ITGA7: variants seen among roughly 807,000 people sequenced by gnomAD.
The protein encoded by ITGA7 is integrin alpha-7.
A neutral mutation model predicts 131.6 loss-of-function variants in ITGA7; 84 were observed. The ratio of observed to expected loss-of-function variants is 0.64; its 90% CI spans 0.54 to 0.77. ITGA7 has a LOEUF of 0.77. Among genes scored for constraint, ITGA7 ranks in the 30% least tolerant of loss-of-function variants. ITGA7 has a pLI of 0.00. For missense variants in ITGA7, 1,399 were observed against 1,482.9 expected, an observed-to-expected ratio of 0.94 and a Z score of 0.93; for synonymous variants, 548 against 600.7, an observed-to-expected ratio of 0.91 and a Z score of 1.28.
rs1346136772 is a variant in ITGA7, at chr12:55,701,334, T to C, written c.415-180A>G. 3 of 1,558,982 alleles carry C rather than the reference T, an allele frequency of 1.9e-6. No individual in the cohort carries two copies. In the African/African-American group the frequency reaches 4.1e-5, roughly 21 times the overall value. On this transcript the variant is annotated intron_variant, in intron 3 of 24. Coordinates refer to ENST00000257879, the MANE Select transcript of ITGA7 (RefSeq NM_002206.3). ...CACTCAAGCACCATTACCCTGCCAG[T>C]GTTACACAGGTCCATGCATAACCCA...
In ITGA7 at chr12:55,698,565, A is replaced by C; in HGVS notation, c.1010T>G (p.Leu337Arg). Residue 337 changes from leucine (L) to arginine (R), a missense_variant, in exon 7 of 25, where the codon CTG becomes CGG. Coordinates refer to ENST00000257879, the MANE Select transcript of ITGA7 (RefSeq NM_002206.3). ...ADLNSDGWPDLIVGAPYFFER... is the reference protein window; with the variant it reads ...ADLNSDGWPDRIVGAPYFFER... ...AAAGAAGTAGGGGGCACCCACTATC[A>C]GGTCTGGCCAGCTATGGAGAGAGGG... The C allele has an allele frequency of 6.2e-7, 1 of 1,614,106 alleles. No individual in the cohort carries two copies. The highest frequency in any genetic ancestry group is 8.5e-7 in the Non-Finnish European group (1 of 1,180,004).
At chr12:55,696,213 C>T (rs974558149) in intron 13 of ITGA7, 70 bp downstream of exon 13, 2 of 1,489,548 alleles carry the variant, frequency 1.3e-6, no homozygotes, top group Non-Finnish European at 9.1e-7. Context: ...GAATTGGTGT[C>T]ACTGGGGAGG....
chr12:55,714,720 A>ATATACATTCATATATACACATATATACG (rs1876382958), upstream of ITGA7, among the ~76,000 whole-genome samples: 1 of 140,094 alleles, frequency 7.1e-6, no homozygotes, highest in Admixed American at 7.5e-5. Context: ...ACATATATAC[A>ATATACATTCATATATACACATATATACG]TATACATACA....
At chr12:55,700,735 C>A in intron 4 of ITGA7, 164 bp downstream of exon 4, 2 of 895,002 alleles carry the variant, frequency 2.2e-6, no homozygotes, top group East Asian at 2.6e-5. Flanking sequence ...AGGCACCCCC[C>A]ATTCATGTGT....
chr12:55,684,985 C>G lies in ITGA7; in HGVS notation c.*73G>C. 1.6e-6 allele frequency: 2 copies of G among 1,288,160 alleles called. No individual in the cohort carries two copies. Among genetic ancestry groups the G allele is most frequent in the Non-Finnish European group, 1.1e-6 (1 of 942,750 alleles). The allele number at this position is 1,288,160 out of a possible 1,614,324, so 79.8% of individuals were successfully genotyped here. ...ATGCGACACCAGCAGCCCACTCTACCCTCTTCATCCCAAGGAGCCATCTCT... is the reference window on the plus strand; with the variant it reads ...ATGCGACACCAGCAGCCCACTCTACGCTCTTCATCCCAAGGAGCCATCTCT... On this transcript the variant is annotated 3_prime_UTR_variant, in exon 25 of 25. Coordinates refer to ENST00000257879, the MANE Select transcript of ITGA7 (RefSeq NM_002206.3).
rs1248633762 is a variant in ITGA7, at chr12:55,688,808, G to T, written c.2958+36C>A. On this transcript the variant is annotated intron_variant, in intron 22 of 24. Transcript: ENST00000257879. Reference sequence around the variant, plus strand: ...GAGTCCTGGAGGGGCTTTGGAGGAAGAAGAAACACAGACTAGAGCCGAGTG... The same window carrying T: ...GAGTCCTGGAGGGGCTTTGGAGGAATAAGAAACACAGACTAGAGCCGAGTG... 8 of 1,499,386 alleles carry T rather than the reference G, an allele frequency of 5.3e-6. No individual in the cohort carries two copies. In the African/African-American group the frequency reaches 9.6e-5, roughly 18 times the overall value. 92.9% of individuals were successfully genotyped at this position (1,499,386 alleles called of 1,614,324 possible).
At chr12:55,716,104 C>A (rs760836371), upstream of ITGA7, 4 of 1,600,528 alleles carry the variant, frequency 2.5e-6, no homozygotes, top group African/African-American at 5.4e-5. Context: ...CGGAGGGGGC[C>A]CGGCGTACCC....
chr12:55,697,880 C>G, intron 8 of ITGA7, 58 bp from the exon 9 acceptor site: 2 of 1,614,108 alleles, frequency 1.2e-6, no homozygotes, highest in African/African-American at 1.3e-5. Context: ...TCTGCCTCCC[C>G]TGATGCCTCT....
upstream of ITGA7, chr12:55,716,284 CA>C: frequency 6.6e-7 from 1 of 1,520,686 alleles, no homozygotes; most frequent in Non-Finnish European, 8.8e-7. Context: ...TAACCATATC[CA>C]GGGAAAGACG....
upstream of ITGA7, among the ~76,000 whole-genome samples, chr12:55,713,593 G>T (rs541548135): frequency 4.5e-4 from 68 of 152,304 alleles, 1 homozygote; most frequent in Middle Eastern, 6.8e-3. Flanking sequence ...CTGTTCTAGG[G>T]ATTAAATGAA....
At chr12:55,699,773 G>C in intron 5 of ITGA7, 97 bp downstream of exon 5, 1 of 1,417,394 alleles carries the variant, frequency 7.1e-7, no homozygotes, top group Non-Finnish European at 9.7e-7. Context: ...TGTGTTGGGG[G>C]AGGAGGAGAT....
chr12:55,710,568 G>T (rs996921312), upstream of ITGA7, among the ~76,000 whole-genome samples: 12 of 152,086 alleles, frequency 7.9e-5, no homozygotes, highest in Non-Finnish European at 1.5e-4. Flanking sequence ...CTTGAGCCCA[G>T]GAGTTGGAGA....
chr12:55,703,885 T>C (rs1224442403), intron 1 of ITGA7, among the ~76,000 whole-genome samples: 2 of 152,156 alleles, frequency 1.3e-5, no homozygotes, highest in Non-Finnish European at 2.9e-5. Flanking sequence ...CTTCTCCCCA[T>C]GTCCATGATT....
chr12:55,689,884 T>C (rs925695651), intron 21 of ITGA7, among the ~76,000 whole-genome samples: 5 of 148,996 alleles, frequency 3.4e-5, no homozygotes, highest in African/African-American at 1.3e-4. Context: ...GGATTCCCTA[T>C]TTAATAAATG....
chr12:55,703,846 G>A (rs755494736), intron 1 of ITGA7, among the ~76,000 whole-genome samples: 4 of 152,048 alleles, frequency 2.6e-5, no homozygotes, highest in African/African-American at 9.7e-5. Flanking sequence ...TTCTCTTCCC[G>A]ACATCCTGAA....
chr12:55,716,306 G>T, upstream of ITGA7: 1 of 1,514,434 alleles, frequency 6.6e-7, no homozygotes, highest in Non-Finnish European at 8.8e-7. Flanking sequence ...CCAGCTAGCG[G>T]GCAACGGGCA....
chr12:55,697,260 C>T lies in ITGA7; in HGVS notation c.1523G>A (p.Cys508Tyr). 6.3e-7 allele frequency: 1 copy of T among 1,597,218 alleles called. No individual in the cohort carries two copies. Among genetic ancestry groups the T allele is most frequent in the Non-Finnish European group, 8.5e-7 (1 of 1,172,012 alleles). ...GCTGGGGACTGCAATGTAGCTGAAA[C>T]AGACCCTTAGGTCCACACTGCGGGG... ...GHSVCVDLRV[C>Y]FSYIAVPSSY... Residue 508 changes from cysteine (C) to tyrosine (Y), a missense_variant, in exon 11 of 25, where the codon TGT becomes TAT. By Grantham distance (194) the Cys-to-Tyr change is radical. Transcript: ENST00000257879.
chr12:55,695,613 C>T lies in ITGA7; in HGVS notation c.1912G>A (p.Gly638Ser), dbSNP rs1872471687. 3.1e-6 allele frequency: 5 copies of T among 1,613,996 alleles called. No individual in the cohort carries two copies. The highest frequency in any genetic ancestry group is 4.2e-6 in the Non-Finnish European group (5 of 1,179,894). The change falls in exon 14 of 25, where the codon GGT becomes AGT. Residue 638 changes from glycine (G) to serine (S), a missense_variant. Transcript: ENST00000257879. ...AEIHFLKQGC[G>S]EDKICQSNLQ... ...TTGCTCTGGCAGATCTTGTCTTCAC[C>T]ACAGCCTTGCTTCAGGAAGTGGATC... is the stretch of plus-strand genomic sequence containing the variant.
chr12:55,697,509 T>C lies in ITGA7; in HGVS notation c.1447A>G (p.Ile483Val). 2 of 1,613,922 alleles carry C rather than the reference T, an allele frequency of 1.2e-6. No individual in the cohort carries two copies. Among genetic ancestry groups the C allele is most frequent in the Non-Finnish European group, 1.7e-6 (2 of 1,179,980 alleles). Residue 483 changes from isoleucine (I) to valine (V), a missense_variant, in exon 10 of 25, where the codon ATT becomes GTT. Coordinates refer to ENST00000257879, the MANE Select transcript of ITGA7 (RefSeq NM_002206.3). ...PILHVSHEVS[I>V]APRSIDLEQP... ...TCCAGGTCGATGCTTCGTGGAGCAA[T>C]AGAGACCTCATGGGAGACATGGAGG...
Sources: allele counts gnomAD v4.1 joint callset (sites outside exome capture counted in the v4.1 genomes callset), GRCh38; gene constraint gnomAD v4.1.1; transcripts MANE v1.5; gene names NCBI Gene and HGNC (gene_info 2026-07-23, HGNC 2026-07-21).